The following NEO1 variants were observed in gnomAD, a reference collection of about 807,000 sequenced individuals.
The protein encoded by NEO1 is neogenin 1, also known as neogenin.
NEO1 carries 63 observed loss-of-function variants against 159.7 expected under a neutral mutation model. That is an observed-to-expected ratio of 0.39 (90% CI 0.32 to 0.49). The LOEUF (loss-of-function observed/expected upper bound fraction) is 0.49. Ranked by LOEUF, NEO1 falls within the 20% of genes least tolerant of loss-of-function variation. NEO1 has a pLI of 0.85. For missense variants in NEO1, 1,615 were observed against 1,831.0 expected, an observed-to-expected ratio of 0.88 and a Z score of 2.15; for synonymous variants, 633 against 662.0, an observed-to-expected ratio of 0.96 and a Z score of 0.67.
chr15:73,134,632 C>G (rs1207568569), intron 4 of NEO1, among the ~76,000 whole-genome samples: 1 of 151,544 alleles, frequency 6.6e-6, no homozygotes, highest in Non-Finnish European at 1.5e-5. Flanking sequence ...CTTACTGCAA[C>G]CTCCGCTTCC....
intron 3 of NEO1, among the ~76,000 whole-genome samples, chr15:73,123,948 C>CT (rs1009826734): frequency 1.4e-4 from 22 of 152,226 alleles, no homozygotes; most frequent in African/African-American, 5.3e-4. Flanking sequence ...AATGTAGGTT[C>CT]TTTTTTTGTC....
At chr15:73,065,195 A>T (rs2068155662) in intron 1 of NEO1, among the ~76,000 whole-genome samples, 1 of 152,026 alleles carries the variant, frequency 6.6e-6, no homozygotes, top group Non-Finnish European at 1.5e-5. Flanking sequence ...TTTAAGATCC[A>T]TCAGATGTTA....
intron 1 of NEO1, among the ~76,000 whole-genome samples, chr15:73,098,082 AACACACACACAC>A (rs34778128): frequency 1.7e-3 from 254 of 149,872 alleles, no homozygotes; most frequent in African/African-American, 5.8e-3. Context: ...TTTATCCCAC[AACACACACACAC>A]ACACACACCC....
At chr15:73,251,607 G>A (rs1204992999) in intron 11 of NEO1, among the ~76,000 whole-genome samples, 3 of 151,684 alleles carry the variant, frequency 2.0e-5, no homozygotes, top group South Asian at 4.2e-4. Context: ...AGTTAGGCAA[G>A]ATACTGGGGA....
chr15:73,297,082 C>G (rs188663112), intron 26 of NEO1, among the ~76,000 whole-genome samples: 2 of 152,296 alleles, frequency 1.3e-5, no homozygotes, highest in African/African-American at 4.8e-5. Context: ...CCTCTCCTCA[C>G]AGGTGGGGAA....
chr15:73,179,349 T>TCTCCA (rs2035469003), intron 7 of NEO1, among the ~76,000 whole-genome samples: 1 of 152,084 alleles, frequency 6.6e-6, no homozygotes, highest in African/African-American at 2.4e-5. Context: ...TTGGAGAGGG[T>TCTCCA]GTAACCATGG....
At chr15:73,301,793 G>A (rs901856063) in intron 28 of NEO1, among the ~76,000 whole-genome samples, 1 of 151,988 alleles carries the variant, frequency 6.6e-6, no homozygotes, top group African/African-American at 2.4e-5. Flanking sequence ...TCAGCCTCCT[G>A]AGTAGCTGGA....
intron 1 of NEO1, among the ~76,000 whole-genome samples, chr15:73,086,684 C>CTTTTTTTTT (rs56321563): frequency 8.2e-6 from 1 of 122,042 alleles, no homozygotes. Context: ...TTCTAGATTT[C>CTTTTTTTTT]TTTTTTTTTT....
intron 15 of NEO1, among the ~76,000 whole-genome samples, chr15:73,265,058 C>G (rs1452399098): frequency 6.6e-6 from 1 of 151,990 alleles, no homozygotes; most frequent in South Asian, 2.1e-4. Flanking sequence ...GGATGTGACC[C>G]CAGCATAGGG....
At chr15:73,091,396 A>G (rs1443156863) in intron 1 of NEO1, among the ~76,000 whole-genome samples, 3 of 151,946 alleles carry the variant, frequency 2.0e-5, no homozygotes, top group Non-Finnish European at 2.9e-5. Context: ...TTTTTTTCCA[A>G]TCGGGTTTCA....
At position 73,260,267 on chromosome 15, in the gene NEO1, C is replaced by A. The variant is rs1192750292; in HGVS notation, c.2204-4C>A. Reference sequence around the variant, plus strand: ...CATCTTGCTTTTCCACTTTTCCTTCCCAGAAACTCGTGTTCCTGAAGTGCC... The same window carrying A: ...CATCTTGCTTTTCCACTTTTCCTTCACAGAAACTCGTGTTCCTGAAGTGCC... On this transcript the variant is annotated splice_polypyrimidine_tract_variant and splice_region_variant and intron_variant, in intron 14 of 28. Coordinates refer to ENST00000261908, the MANE Select transcript of NEO1 (RefSeq NM_002499.4). 1 of 1,609,488 alleles carries A rather than the reference C, an allele frequency of 6.2e-7. No homozygotes were observed. The highest frequency in any genetic ancestry group is 1.3e-5 in the African/African-American group (1 of 74,814).
intron 7 of NEO1, among the ~76,000 whole-genome samples, chr15:73,189,562 G>A (rs2036127650): frequency 6.6e-6 from 1 of 152,164 alleles, no homozygotes; most frequent in African/African-American, 2.4e-5. Context: ...AATGTTGAAA[G>A]TATTTGACTG....
intron 7 of NEO1, among the ~76,000 whole-genome samples, chr15:73,190,688 A>T (rs1317008380): frequency 6.6e-6 from 1 of 152,142 alleles, no homozygotes; most frequent in African/African-American, 2.4e-5. Context: ...ATGTTAATTA[A>T]AGGATAAGTT....
At chr15:73,185,813 TG>T (rs1290571287) in intron 7 of NEO1, among the ~76,000 whole-genome samples, 1 of 152,140 alleles carries the variant, frequency 6.6e-6, no homozygotes, top group Admixed American at 6.6e-5. Context: ...GCATCTAAGA[TG>T]GGACAATATC....
In NEO1 at chr15:73,254,864, G is replaced by A. The variant is rs533791993; in HGVS notation, c.2092+35G>A. On this transcript the variant is annotated intron_variant, in intron 13 of 28. Coordinates refer to ENST00000261908, the MANE Select transcript of NEO1 (RefSeq NM_002499.4). ...CGTGCACAAAGGCAAAAGGTACACT[G>A]TGTCTTTCTCAGATATTGAATTATG... 2.5e-6 allele frequency: 4 copies of A among 1,588,628 alleles called. No individual in the cohort carries two copies. In the African/African-American group the frequency reaches 4.3e-5, roughly 17 times the overall value.
In NEO1 at chr15:73,176,462, G is replaced by C. The variant is rs1344491523; in HGVS notation, c.1075G>C (p.Val359Leu). 6.2e-7 allele frequency: 1 copy of C among 1,610,390 alleles called. No individual in the cohort carries two copies. Among genetic ancestry groups the C allele is most frequent in the Non-Finnish European group, 8.5e-7 (1 of 1,177,776 alleles). ...NIYAHESMDI[V>L]FECEVTGKPT... ...ATATGCTCACGAATCTATGGATATT[G>C]TATTTGAATGTGAAGTGACTGGAAA... The change falls in exon 6 of 29, where the codon GTA becomes CTA. Residue 359 changes from valine (V) to leucine (L), a missense_variant. Val to Leu is a conservative substitution (Grantham distance 32, BLOSUM62 1). This residue lies in a region of NEO1 where 1,018 missense variants were observed against 1,115.4 expected (regional missense o/e 0.91). Transcript: ENST00000261908.
chr15:73,271,456 A>C (rs897023640), intron 18 of NEO1, among the ~76,000 whole-genome samples: 12 of 152,234 alleles, frequency 7.9e-5, no homozygotes, highest in African/African-American at 2.9e-4. Context: ...CAGCTATCAC[A>C]TGGAAACACA....
chr15:73,186,090 G>C (rs1458089045), intron 7 of NEO1, among the ~76,000 whole-genome samples: 1 of 151,384 alleles, frequency 6.6e-6, no homozygotes, highest in Non-Finnish European at 1.5e-5. Context: ...ATATCTTGAA[G>C]GCAATTGGAA....
chr15:73,283,785 T>C (rs1211252643), intron 23 of NEO1, among the ~76,000 whole-genome samples: 1 of 152,166 alleles, frequency 6.6e-6, no homozygotes, highest in African/African-American at 2.4e-5. Flanking sequence ...CAGGAGTCTG[T>C]GGACATTCTT....
Sources: allele counts gnomAD v4.1 joint callset (sites outside exome capture counted in the v4.1 genomes callset), GRCh38; gene constraint gnomAD v4.1.1; regional missense constraint gnomAD v4.1.1; transcripts MANE v1.5; gene names NCBI Gene and HGNC (gene_info 2026-07-23, HGNC 2026-07-21).